Variants in UCHL3 observed in about 807,000 individuals in gnomAD.
The protein encoded by UCHL3 is ubiquitin carboxyl-terminal hydrolase isozyme L3.
In UCHL3, 22 loss-of-function variants were observed where a neutral mutation model predicts 35.8. The ratio of observed to expected loss-of-function variants is 0.61; its 90% confidence interval spans 0.44 to 0.88. The LOEUF (loss-of-function observed/expected upper bound fraction) is 0.88. Among genes scored for constraint, UCHL3 ranks in the 40% least tolerant of loss-of-function variants. UCHL3 has a pLI of 0.00. For missense variants in UCHL3, 229 were observed against 276.9 expected (o/e 0.83, Z 1.23); for synonymous variants, 90 against 92.8 (o/e 0.97, Z 0.17).
chr13:75,575,854 C>G (rs9565175), intron 6 of UCHL3, among the ~76,000 whole-genome samples: 67,006 of 151,924 alleles, frequency 0.44, 16,283 homozygotes, highest in East Asian at 0.63. Context: ...CTGGTTCAAG[C>G]GATTCCCCTG....
At chr13:75,577,069 G>A (rs1250461570) in intron 6 of UCHL3, among the ~76,000 whole-genome samples, 1 of 152,070 alleles carries the variant, frequency 6.6e-6, no homozygotes, top group Non-Finnish European at 1.5e-5. Flanking sequence ...GGGCAACATA[G>A]TGAGACCCTG....
chr13:75,563,940 G>GTGTGTGTGTC (rs1011895410), intron 3 of UCHL3, among the ~76,000 whole-genome samples: 1 of 151,924 alleles, frequency 6.6e-6, no homozygotes, highest in Non-Finnish European at 1.5e-5. Flanking sequence ...GTGTGTGTGT[G>GTGTGTGTGTC]TGTCTATATC....
intron 3 of UCHL3, 78 bp from the exon 4 acceptor site, chr13:75,566,617 G>T: frequency 2.0e-5 from 17 of 853,910 alleles, no homozygotes; most frequent in South Asian, 1.5e-4. Flanking sequence ...TTTATCATTT[G>T]CATTTTTTCT....
chr13:75,572,505 A>G (rs2031892727), intron 6 of UCHL3, among the ~76,000 whole-genome samples: 1 of 152,174 alleles, frequency 6.6e-6, no homozygotes, highest in Non-Finnish European at 1.5e-5. Context: ...GAAGTATGGT[A>G]TCTTATCTCC....
At chr13:75,573,125 G>A (rs529109335) in intron 6 of UCHL3, among the ~76,000 whole-genome samples, 2 of 152,220 alleles carry the variant, frequency 1.3e-5, no homozygotes, top group African/African-American at 2.4e-5. Flanking sequence ...TCAGCTGGGC[G>A]TGGTGGCATG....
chr13:75,561,693 A>C (rs1183489441), intron 3 of UCHL3, among the ~76,000 whole-genome samples: 1 of 152,002 alleles, frequency 6.6e-6, no homozygotes, highest in Non-Finnish European at 1.5e-5. Context: ...GTTGGGGATT[A>C]TAAATAGCTG....
At chr13:75,594,648 T>A (rs146296279) in intron 6 of UCHL3, among the ~76,000 whole-genome samples, 165 of 152,324 alleles carry the variant, frequency 1.1e-3, no homozygotes, top group African/African-American at 3.7e-3. Flanking sequence ...CTGAGGCTTC[T>A]AAGGTGAACA....
At chr13:75,572,221 G>C (rs2031885494) in intron 6 of UCHL3, among the ~76,000 whole-genome samples, 1 of 151,930 alleles carries the variant, frequency 6.6e-6, no homozygotes, top group Non-Finnish European at 1.5e-5. Context: ...TCAAGACTCA[G>C]CTTAGTACGA....
At chr13:75,581,742 G>A (rs1017778286) in intron 6 of UCHL3, among the ~76,000 whole-genome samples, 24 of 150,006 alleles carry the variant, frequency 1.6e-4, no homozygotes, top group African/African-American at 5.4e-4. Flanking sequence ...AGCCTTTACA[G>A]CATTTCAAAT....
chr13:75,592,421 T>TATATATATGTAC (rs1566227792), intron 6 of UCHL3, among the ~76,000 whole-genome samples: 1 of 43,916 alleles, frequency 2.3e-5, no homozygotes, highest in African/African-American at 1.3e-4. Context: ...CCTTCATATA[T>TATATATATGTAC]ATATATATAT....
chr13:75,592,445 T>C (rs957644416), intron 6 of UCHL3, among the ~76,000 whole-genome samples: 1,746 of 54,642 alleles, frequency 0.032, 33 homozygotes, highest in African/African-American at 0.044. Flanking sequence ...TATATATATA[T>C]ATATATATAT....
chr13:75,552,092 G>C (rs1393559022), intron 2 of UCHL3, among the ~76,000 whole-genome samples: 1 of 152,172 alleles, frequency 6.6e-6, no homozygotes, highest in Non-Finnish European at 1.5e-5. Context: ...TTTAGTATAT[G>C]ATTGTACATT....
intron 6 of UCHL3, among the ~76,000 whole-genome samples, chr13:75,585,180 G>C (rs2032288821): frequency 6.6e-6 from 1 of 151,966 alleles, no homozygotes; most frequent in African/African-American, 2.4e-5. Flanking sequence ...AGAGACACTA[G>C]GTAGGATGAA....
intron 6 of UCHL3, among the ~76,000 whole-genome samples, chr13:75,572,005 C>CTTGTCTTGTCTTGTCTTGTT (rs2031875395): frequency 3.3e-5 from 5 of 151,720 alleles, no homozygotes; most frequent in African/African-American, 1.2e-4. Context: ...CTTGTCTTGT[C>CTTGTCTTGTCTTGTCTTGTT]TTGTCTTGTC....
At chr13:75,598,904 C>T (rs191856238) in intron 7 of UCHL3, among the ~76,000 whole-genome samples, 19 of 152,278 alleles carry the variant, frequency 1.2e-4, no homozygotes, top group Non-Finnish European at 2.4e-4. Context: ...TAGAAGCTTT[C>T]CTTTTCCTCT....
Position 75,594,980 on chromosome 13 carries a change from C to A in UCHL3, c.540C>A (p.Leu180=), listed in dbSNP as rs770002848. 6.9e-6 allele frequency: 11 copies of A among 1,604,214 alleles called. No homozygotes were observed. The highest frequency in any genetic ancestry group is 8.5e-6 in the Non-Finnish European group (10 of 1,176,246). ...FIALVHVDGH[L]YELDGRKPFP... ...CATTAGTTCATGTAGATGGGCATCTCTATGAATTAGGTAAGAACTATTTTA... is the reference window on the plus strand; with the variant it reads ...CATTAGTTCATGTAGATGGGCATCTATATGAATTAGGTAAGAACTATTTTA... The change falls in exon 7 of 9, where the codon CTC becomes CTA. Residue 180 remains leucine (L), a synonymous_variant. Transcript: ENST00000377595.
chr13:75,581,694 ATT>A (rs35365245), intron 6 of UCHL3, among the ~76,000 whole-genome samples: 165 of 139,102 alleles, frequency 1.2e-3, no homozygotes, highest in East Asian at 1.5e-3. Context: ...GCTTTGTTTG[ATT>A]TTTTTTTTTT....
chr13:75,594,793 T>C (rs1467820482), intron 6 of UCHL3, 122 bp from the exon 7 acceptor site: 2 of 759,910 alleles, frequency 2.6e-6, no homozygotes, highest in African/African-American at 3.7e-5. Context: ...CATTAAGCCT[T>C]GAATTATATT....
chr13:75,577,786 C>G (rs2032067701), intron 6 of UCHL3, among the ~76,000 whole-genome samples: 1 of 152,096 alleles, frequency 6.6e-6, no homozygotes, highest in Admixed American at 6.6e-5. Flanking sequence ...AAAGAAAAAT[C>G]CAAAAGGGTA....
Sources: gnomAD v4.1 joint callset for allele counts (sites outside exome capture counted in the v4.1 genomes callset) on GRCh38, gnomAD v4.1.1 for gene constraint, MANE v1.5 for transcripts, NCBI Gene and HGNC (gene_info 2026-07-23, HGNC 2026-07-21) for gene names.